Variants in LNP1 observed in about 807,000 individuals in gnomAD.
LNP1 encodes the protein leukemia NUP98 fusion partner 1.
A neutral mutation model predicts 14.5 loss-of-function variants in LNP1; 12 were observed. That is an observed-to-expected ratio of 0.83 (90% CI 0.53 to 1.34). The LOEUF (loss-of-function observed/expected upper bound fraction) is 1.34. LNP1 is among the 40% of genes most tolerant of loss of function. The pLI, the probability that LNP1 is intolerant of heterozygous loss-of-function variation, is 0.00. For synonymous variants in LNP1, 75 were observed against 71.4 expected (o/e 1.05, Z -0.26); for missense variants, 198 against 210.9 (o/e 0.94, Z 0.38).
intron 1 of LNP1, among the ~76,000 whole-genome samples, chr3:100,414,726 A>C (rs1358420241): frequency 6.6e-6 from 1 of 152,188 alleles, no homozygotes; most frequent in Non-Finnish European, 1.5e-5. Context: ...GCTTAGAGTC[A>C]TCCCTGGCCA....
chr3:100,416,602 TGTGTGTG>T (rs1559840726), intron 1 of LNP1, among the ~76,000 whole-genome samples: 3 of 58,612 alleles, frequency 5.1e-5, no homozygotes, highest in Admixed American at 1.3e-4. Context: ...ATCTTTTTTG[TGTGTGTG>T]TGTGTGTGTG....
intron 1 of LNP1, among the ~76,000 whole-genome samples, chr3:100,423,765 T>C (rs552795388): frequency 6.6e-6 from 1 of 152,302 alleles, no homozygotes; most frequent in Admixed American, 6.5e-5. Flanking sequence ...GCTGCAGCTG[T>C]CGCAGTCACT....
intron 3 of LNP1, 69 bp downstream of exon 3, chr3:100,452,018 A>G (rs575051537): frequency 2.1e-6 from 2 of 944,154 alleles, no homozygotes; most frequent in African/African-American, 1.6e-5. Context: ...TGTCCTCTTT[A>G]TGATTGAGGG....
At position 100,430,170 on chromosome 3, in the gene LNP1, C is replaced by T. The variant is rs564445141; in HGVS notation, c.156+285C>T. 2.0e-4 allele frequency among the ~76,000 whole-genome samples: 30 copies of T among 152,256 alleles called. No individual in the cohort carries two copies. The South Asian group carries it at 5.4e-3, about 27-fold the overall frequency. On this transcript the variant is annotated intron_variant, in intron 2 of 3. Transcript: ENST00000383693. Reference sequence around the variant, plus strand: ...AGCCTGAGATAATCCCACTGAGTGACGGAATTTAAGCCAAAGGAAAGAAAC... The same window carrying T: ...AGCCTGAGATAATCCCACTGAGTGATGGAATTTAAGCCAAAGGAAAGAAAC...
intron 2 of LNP1, among the ~76,000 whole-genome samples, chr3:100,448,494 C>T (rs1215455866): frequency 6.6e-6 from 1 of 152,052 alleles, no homozygotes; most frequent in East Asian, 1.9e-4. Context: ...AGTTCTGTAA[C>T]CCCTATGTCA....
rs1320229276 is a variant in LNP1 at position 100,402,351 on chromosome 3, A to C, written c.-122A>C. 1.3e-5 allele frequency: 2 copies of C among 152,230 alleles called. No individual in the cohort carries two copies. Among genetic ancestry groups the C allele is most frequent in the Non-Finnish European group, 2.9e-5 (2 of 68,036 alleles). 9.4% of individuals were successfully genotyped at this position (152,230 alleles called of 1,614,324 possible). On this transcript the variant is annotated 5_prime_UTR_variant, in exon 1 of 4. Coordinates refer to ENST00000383693, the MANE Select transcript of LNP1 (RefSeq NM_001085451.2). ...AGCTACATAAAGATTGAAAGGAGAT[A>C]TTTTATCAAGTGGCACCAGAATGGA... is the stretch of plus-strand genomic sequence containing the variant.
intron 2 of LNP1, among the ~76,000 whole-genome samples, chr3:100,436,983 GC>G (rs1328976145): frequency 6.6e-5 from 10 of 152,332 alleles, no homozygotes; most frequent in South Asian, 4.1e-4. Flanking sequence ...CAGGAAGAGA[GC>G]CCTCACCAGG....
chr3:100,438,818 TGA>T (rs1707315888), intron 2 of LNP1, among the ~76,000 whole-genome samples: 1 of 152,128 alleles, frequency 6.6e-6, no homozygotes, highest in African/African-American at 2.4e-5. Flanking sequence ...GCTCAGAGTG[TGA>T]GAAGATAGCA....
intron 2 of LNP1, among the ~76,000 whole-genome samples, chr3:100,446,309 AT>A (rs1337848170): frequency 4.6e-5 from 7 of 152,186 alleles, no homozygotes; most frequent in African/African-American, 1.7e-4. Context: ...ATCTACAACC[AT>A]CTGATCTTTG....
At chr3:100,431,985 A>T in intron 2 of LNP1, among the ~76,000 whole-genome samples, 1 of 113,362 alleles carries the variant, frequency 8.8e-6, no homozygotes, top group African/African-American at 3.6e-5. Context: ...ACAGAATGAG[A>T]CCTTGTTTAT....
At position 100,455,715 on chromosome 3, in the gene LNP1, G is replaced by T. The variant is rs1707503731; in HGVS notation, c.388-62G>T. 9 of 1,506,326 alleles carry T rather than the reference G, an allele frequency of 6.0e-6. No individual in the cohort carries two copies. In the Admixed American group the frequency reaches 1.6e-4, roughly 27 times the overall value. 93.3% of individuals were successfully genotyped at this position (1,506,326 alleles called of 1,614,324 possible). ...CTTTCTCCATGTCTGATTATTAAGAGAAATGTGGAGTGTTGTCAGCTGCTT... is the reference window on the plus strand; with the variant it reads ...CTTTCTCCATGTCTGATTATTAAGATAAATGTGGAGTGTTGTCAGCTGCTT... On this transcript the variant is annotated intron_variant, in intron 3 of 3. Transcript: ENST00000383693.
intron 1 of LNP1, among the ~76,000 whole-genome samples, 170 bp downstream of exon 1, chr3:100,402,609 G>A (rs1706922452): frequency 6.6e-6 from 1 of 151,660 alleles, no homozygotes. Flanking sequence ...CTTAATATAA[G>A]CTCTGCCTTG....
At position 100,429,793 on chromosome 3, in the gene LNP1, G is replaced by A; in HGVS notation, c.64G>A (p.Gly22Ser). Residue 22 changes from glycine to serine, a missense_variant, in exon 2 of 4, where the codon GGC (glycine) becomes AGC (serine). Coordinates refer to ENST00000383693, the MANE Select transcript of LNP1 (RefSeq NM_001085451.2). ...SFAKWMSSFW[G>S]HSWREEDQRG... is the part of the protein sequence containing the mutation. ...TGCCAAATGGATGAGCAGCTTCTGGGGCCACAGCTGGAGAGAGGAGGATCA... is the reference window on the plus strand; with the variant it reads ...TGCCAAATGGATGAGCAGCTTCTGGAGCCACAGCTGGAGAGAGGAGGATCA... 1 of 1,613,926 alleles carries A rather than the reference G, an allele frequency of 6.2e-7. No homozygotes were observed. Among genetic ancestry groups the A allele is most frequent in the African/African-American group, 1.3e-5 (1 of 74,964 alleles).
rs1427418941 is a variant in LNP1 at position 100,429,935 on chromosome 3, G to T, written c.156+50G>T. On this transcript the variant is annotated intron_variant, in intron 2 of 3. Coordinates refer to ENST00000383693, the MANE Select transcript of LNP1 (RefSeq NM_001085451.2). ...GGGGAGAGCTGGAATAGGGGAGGGG[G>T]TTTCTCTTAGATAATTTTTTGAGGA... The T allele has an allele frequency of 4.5e-6, 7 of 1,558,936 alleles. No homozygotes were observed. In the Admixed American group the frequency reaches 1.0e-4, roughly 23 times the overall value.
intron 2 of LNP1, among the ~76,000 whole-genome samples, chr3:100,447,835 G>T (rs1224930131): frequency 1.3e-5 from 2 of 151,918 alleles, no homozygotes; most frequent in Non-Finnish European, 2.9e-5. Flanking sequence ...CATCGCTCTT[G>T]TTTCCTGGTT....
At chr3:100,438,064 A>C (rs979524200) in intron 2 of LNP1, among the ~76,000 whole-genome samples, 3 of 152,202 alleles carry the variant, frequency 2.0e-5, no homozygotes, top group African/African-American at 7.2e-5. Context: ...TGCCAGGTAC[A>C]TACTGTGCAC....
chr3:100,430,207 C>T (rs540531108), intron 2 of LNP1, among the ~76,000 whole-genome samples: 8 of 152,290 alleles, frequency 5.3e-5, no homozygotes, highest in Non-Finnish European at 8.8e-5. Context: ...TGATGCTATA[C>T]TTAGTCTGTG....
At chr3:100,429,550 G>A (rs754619570) in intron 1 of LNP1, 147 bp from the exon 2 acceptor site, 31 of 604,062 alleles carry the variant, frequency 5.1e-5, no homozygotes, top group Non-Finnish European at 8.0e-5. Context: ...GCCTGATGAT[G>A]AAGTGGTTGT....
chr3:100,430,221 C>A (rs9843705), intron 2 of LNP1, among the ~76,000 whole-genome samples: 4,055 of 152,296 alleles, frequency 0.027, 89 homozygotes, highest in Middle Eastern at 0.058. Flanking sequence ...GTCTGTGTAG[C>A]CTTGTGGCTC....
Sources: allele counts gnomAD v4.1 joint callset (sites outside exome capture counted in the v4.1 genomes callset), GRCh38; gene constraint gnomAD v4.1.1; transcripts MANE v1.5; gene names NCBI Gene and HGNC (gene_info 2026-07-23, HGNC 2026-07-21).